Variants in PCDHGA11 observed in about 807,000 individuals in gnomAD.
PCDHGA11 encodes the protein protocadherin gamma subfamily A, 11.
PCDHGA11 carries 39 observed loss-of-function variants against 60.4 expected under a neutral mutation model. That is an observed-to-expected ratio of 0.65 (90% CI 0.50 to 0.84). The LOEUF is 0.84. Ranked by LOEUF, PCDHGA11 falls within the 40% of genes least tolerant of loss-of-function variation. The pLI is 0.00. For missense variants in PCDHGA11, 1,165 were observed against 1,197.7 expected, an observed-to-expected ratio of 0.97 and a Z score of 0.40; for synonymous variants, 533 against 510.3, an observed-to-expected ratio of 1.04 and a Z score of -0.60.
At position 141,421,118 on chromosome 5, in the gene PCDHGA11, T is replaced by A. The variant is rs572827470; in HGVS notation, c.-110T>A. On this transcript the variant is annotated 5_prime_UTR_variant, in exon 1 of 4. Transcript: ENST00000398587. ...ACTGGAGACTTAGAAGTATTTTCCT[T>A]CGCTTTCTGATATATTTTGGATGTA... 1 of 771,946 alleles carries A rather than the reference T, an allele frequency of 1.3e-6. No homozygotes were observed. Among genetic ancestry groups the A allele is most frequent in the South Asian group, 1.9e-5 (1 of 53,004 alleles). The allele number at this position is 771,946 out of a possible 1,614,324, so 47.8% of individuals were successfully genotyped here.
chr5:141,430,826 C>T (rs993762069), intron 1 of PCDHGA11: 1 of 1,550,298 alleles, frequency 6.5e-7, no homozygotes, highest in Non-Finnish European at 8.7e-7. Context: ...CCTGGGGACT[C>T]TGTGGGAGAC....
In PCDHGA11 at chr5:141,432,476, A is replaced by C; in HGVS notation, c.2433+8816A>C. 6.2e-7 allele frequency: 1 copy of C among 1,614,080 alleles called. No homozygotes were observed. The highest frequency in any genetic ancestry group is 8.5e-7 in the Non-Finnish European group (1 of 1,180,012). Reference sequence around the variant, plus strand: ...CCCCGCCCTCCCCACGGACGGTTCCACTGGCGTGGAGCTGGCTCCCCGCTC... The same window carrying C: ...CCCCGCCCTCCCCACGGACGGTTCCCCTGGCGTGGAGCTGGCTCCCCGCTC... On this transcript the variant is annotated intron_variant, in intron 1 of 3. Transcript: ENST00000398587. The surrounding 1 kb of genome is among the most constrained non-coding windows in gnomAD (Gnocchi z 6.0).
At chr5:141,464,044 C>T (rs898632465) in intron 1 of PCDHGA11, among the ~76,000 whole-genome samples, 1 of 152,086 alleles carries the variant, frequency 6.6e-6, no homozygotes, top group African/African-American at 2.4e-5. Context: ...GCGGGTGGAT[C>T]ACCTGAGGTC....
In PCDHGA11 at chr5:141,421,854, C is replaced by CCTG. The variant is rs761444125; in HGVS notation, c.630_632dup (p.Leu213dup). 1.2e-6 allele frequency: 2 copies of CCTG among 1,613,762 alleles called. No homozygotes were observed. The highest frequency in any genetic ancestry group is 1.7e-6 in the Non-Finnish European group (2 of 1,179,900). Reference sequence around the variant, plus strand: ...TGGACCGAGAGAAAGAGGCTGCTCACCTGCTCCTCCTCACAGCTTTAGATG... The same window carrying CCTG: ...TGGACCGAGAGAAAGAGGCTGCTCACCTGCTGCTCCTCCTCACAGCTTTAGATG... On this transcript the variant is annotated inframe_insertion, in exon 1 of 4. Transcript: ENST00000398587.
chr5:141,483,736 G>A (rs1296877404), intron 1 of PCDHGA11, among the ~76,000 whole-genome samples: 1 of 152,110 alleles, frequency 6.6e-6, no homozygotes, highest in Non-Finnish European at 1.5e-5. Flanking sequence ...ATAGTCAAAA[G>A]GATATTCCTG....
intron 1 of PCDHGA11, among the ~76,000 whole-genome samples, chr5:141,474,926 C>T (rs756761848): frequency 1.3e-5 from 2 of 152,218 alleles, no homozygotes; most frequent in Non-Finnish European, 2.9e-5. Context: ...TCATCTCTGG[C>T]TTATATCACA....
At chr5:141,443,872 A>G (rs1446612063) in intron 1 of PCDHGA11, among the ~76,000 whole-genome samples, 1 of 152,212 alleles carries the variant, frequency 6.6e-6, no homozygotes, top group South Asian at 2.1e-4. Context: ...AAAATTACTG[A>G]TAAGTCAAGA....
intron 1 of PCDHGA11, among the ~76,000 whole-genome samples, chr5:141,465,276 C>A (rs558169180): frequency 6.6e-6 from 1 of 152,254 alleles, no homozygotes; most frequent in South Asian, 2.1e-4. Context: ...CCATTTAGTT[C>A]ACCCCTAAAG....
rs747132868 is a variant in PCDHGA11 at position 141,431,424 on chromosome 5, G to C, written c.2433+7764G>C. ...GCCTCCGACGGGGGCGACCCGGTGC[G>C]CACAGGCACCGCGCGCATCCGCGTG... On this transcript the variant is annotated intron_variant, in intron 1 of 3. Coordinates refer to ENST00000398587, the MANE Select transcript of PCDHGA11 (RefSeq NM_018914.3). This position sits in a 1 kb window ranked among gnomAD's most constrained non-coding sequence, Gnocchi z 4.8. The C allele has an allele frequency of 6.2e-7, 1 of 1,613,558 alleles. No individual in the cohort carries two copies. The highest frequency in any genetic ancestry group is 1.1e-5 in the South Asian group (1 of 91,082).
Position 141,422,655 on chromosome 5 carries a change from C to T in PCDHGA11, c.1428C>T (p.Thr476=), listed in dbSNP as rs188587553. Reference sequence around the variant, plus strand: ...GGGGTGCCTCCATCTTCTCAGTGACCGCCCTCGACCCGGACAGCAAACAGA... The same window carrying T: ...GGGGTGCCTCCATCTTCTCAGTGACTGCCCTCGACCCGGACAGCAAACAGA... The part of the protein sequence containing the change: ...NPRGASIFSV[T]ALDPDSKQNA... Residue 476 remains threonine (T), a synonymous_variant, in exon 1 of 4, where the codon ACC becomes ACT. Transcript: ENST00000398587. 1.2e-6 allele frequency: 2 copies of T among 1,610,120 alleles called. No individual in the cohort carries two copies. The highest frequency in any genetic ancestry group is 3.3e-5 in the Admixed American group (2 of 59,788).
At chr5:141,484,921 T>A in intron 1 of PCDHGA11, 1 of 478,304 alleles carries the variant, frequency 2.1e-6, no homozygotes, top group South Asian at 2.8e-5. Flanking sequence ...TTAACCCTGC[T>A]GCTGTTGGGA....
Position 141,421,588 on chromosome 5 carries a change from G to A in PCDHGA11, c.361G>A (p.Glu121Lys). 1.2e-6 allele frequency: 2 copies of A among 1,613,910 alleles called. No individual in the cohort carries two copies. The highest frequency in any genetic ancestry group is 8.5e-7 in the Non-Finnish European group (1 of 1,179,852). ...AGACACCTTGAAGATTTACGGAGTG[G>A]AGGTGGAAATAATAGATATTAATGA... ...VEDTLKIYGV[E>K]VEIIDINDNA... The change falls in exon 1 of 4, where the codon GAG becomes AAG. Residue 121 changes from glutamate to lysine, a missense_variant. Physicochemically the swap from Glu to Lys is moderately conservative, Grantham distance 56. Coordinates refer to ENST00000398587, the MANE Select transcript of PCDHGA11 (RefSeq NM_018914.3).
intron 1 of PCDHGA11, among the ~76,000 whole-genome samples, chr5:141,462,337 T>C (rs1053544147): frequency 6.6e-6 from 1 of 152,260 alleles, no homozygotes; most frequent in Non-Finnish European, 1.5e-5. Context: ...TTAATTGTAT[T>C]GTGATCCAAA....
intron 1 of PCDHGA11, among the ~76,000 whole-genome samples, chr5:141,483,599 G>A (rs1419379218): frequency 6.6e-6 from 1 of 152,048 alleles, no homozygotes; most frequent in African/African-American, 2.4e-5. Flanking sequence ...GGTCAGGCTG[G>A]TTTACACCTC....
chr5:141,502,615 A>G (rs2099815317), intron 2 of PCDHGA11, among the ~76,000 whole-genome samples: 1 of 152,218 alleles, frequency 6.6e-6, no homozygotes, highest in Non-Finnish European at 1.5e-5. Context: ...TTGTGAAAAT[A>G]TAAGTAATCT....
In PCDHGA11 at chr5:141,422,515, AGCCCGC is replaced by A; in HGVS notation, c.1289_1294del (p.Ser430_Pro432delinsThr). The A allele has an allele frequency of 6.2e-7, 1 of 1,614,044 alleles. No homozygotes were observed. The highest frequency in any genetic ancestry group is 8.5e-7 in the Non-Finnish European group (1 of 1,179,884). On this transcript the variant is annotated inframe_deletion, in exon 1 of 4. Transcript: ENST00000398587. The stretch of plus-strand genomic sequence containing the variant: ...AACGTTGACAGCCACAGACCAGGGA[AGCCCGC>A]CTTTGTCTGCAGAAACTCATGTCTG...
Position 141,505,474 on chromosome 5 carries a change from C to T in PCDHGA11, c.2574C>T (p.Ser858=), listed in dbSNP as rs751690779. The stretch of plus-strand genomic sequence containing the variant: ...TGCTGCAAGCCATGATCTTGGCGTC[C>T]GCCAGTGGTAAGTGGTGTCAGTGTG... ...TEMLQAMILA[S]ASEAADGSST... Residue 858 remains serine, a synonymous_variant, in exon 3 of 4, where the codon TCC becomes TCT. Transcript: ENST00000398587. 2.2e-5 allele frequency: 36 copies of T among 1,614,090 alleles called. No individual in the cohort carries two copies. The highest frequency in any genetic ancestry group is 5.3e-5 in the African/African-American group (4 of 74,934).
At chr5:141,471,095 C>T (rs1266802067) in intron 1 of PCDHGA11, among the ~76,000 whole-genome samples, 1 of 144,764 alleles carries the variant, frequency 6.9e-6, no homozygotes, top group East Asian at 2.0e-4. Context: ...GTTGTCCAGG[C>T]TAGAGTGCAG....
At chr5:141,509,096 T>C (rs1364889034) in intron 3 of PCDHGA11, among the ~76,000 whole-genome samples, 1 of 152,124 alleles carries the variant, frequency 6.6e-6, no homozygotes, top group African/African-American at 2.4e-5. Context: ...ATGGGGGCTG[T>C]AGAAACCTGA....
Sources: gnomAD v4.1 joint callset for allele counts (sites outside exome capture counted in the v4.1 genomes callset) on GRCh38, gnomAD v4.1.1 for gene constraint, Gnocchi (gnomAD v3.1) non-coding constraint, MANE v1.5 for transcripts, NCBI Gene and HGNC (gene_info 2026-07-23, HGNC 2026-07-21) for gene names.